Variants in IGFL2 observed in about 807,000 individuals in gnomAD.
The protein encoded by IGFL2 is insulin growth factor-like family member 2.
A neutral mutation model predicts 13.9 loss-of-function variants in IGFL2; 7 were observed. The observed-to-expected ratio is 0.51, with a 90% CI of 0.29 to 0.95. The LOEUF (loss-of-function observed/expected upper bound fraction) is 0.95. Among genes scored for constraint, IGFL2 ranks in the 40% least tolerant of loss-of-function variants. IGFL2 has a pLI of 0.08. For synonymous variants in IGFL2, 55 were observed against 55.8 expected (o/e 0.99, Z 0.07); for missense variants, 138 against 147.8 (o/e 0.93, Z 0.34).
At chr19:46,124,276 C>G in the IGFL2 span, 3 of 1,610,746 alleles carry the variant, frequency 1.9e-6, no homozygotes, top group East Asian at 4.5e-5. Flanking sequence ...ACCTGTAGTT[C>G]CTTTTGAACA....
the IGFL2 span, among the ~76,000 whole-genome samples, chr19:46,174,821 G>A: frequency 0.043 from 6,527 of 152,238 alleles, 177 homozygotes; most frequent in Non-Finnish European, 0.065. Context: ...AATGTGGCTC[G>A]GTAATTGCTC....
the IGFL2 span, chr19:46,124,489 G>A: frequency 8.7e-7 from 1 of 1,146,632 alleles, no homozygotes; most frequent in Non-Finnish European, 1.3e-6. Flanking sequence ...AGCACGCTCA[G>A]TCACCCTTTG....
the IGFL2 span, among the ~76,000 whole-genome samples, chr19:46,100,246 A>C: frequency 6.6e-6 from 1 of 152,122 alleles, no homozygotes; most frequent in Non-Finnish European, 1.5e-5. Flanking sequence ...TTTCTCATCT[A>C]TATGAGTTTG....
the IGFL2 span, among the ~76,000 whole-genome samples, chr19:46,116,154 A>C: frequency 6.6e-6 from 1 of 152,138 alleles, no homozygotes; most frequent in Non-Finnish European, 1.5e-5. Context: ...ATATGTATAC[A>C]TGTGCCATGT....
At chr19:46,124,293 G>T in the IGFL2 span, 9 of 1,610,840 alleles carry the variant, frequency 5.6e-6, no homozygotes, top group Non-Finnish European at 7.6e-6. Flanking sequence ...AACACTGGAG[G>T]AGGAAGACTG....
the IGFL2 span, among the ~76,000 whole-genome samples, chr19:46,130,324 A>G: frequency 2.6e-5 from 4 of 152,190 alleles, no homozygotes; most frequent in Non-Finnish European, 5.9e-5. Flanking sequence ...ACTACAGGGT[A>G]TGATCTCCTG....
chr19:46,145,400 G>A (rs118109937), upstream of IGFL2, among the ~76,000 whole-genome samples: 2,276 of 151,528 alleles, frequency 0.015, 38 homozygotes, highest in South Asian at 0.028. Context: ...GCCCTCCCTC[G>A]TCCAGTCCAA....
the IGFL2 span, among the ~76,000 whole-genome samples, chr19:46,200,506 T>TTTCTTTTCTTTTCTTTTCTTTTCTC: frequency 3.4e-5 from 5 of 147,466 alleles, no homozygotes; most frequent in East Asian, 4.0e-4. Flanking sequence ...TTTCTTTTCT[T>TTTCTTTTCTTTTCTTTTCTTTTCTC]TTCTCTTTTC....
At chr19:46,104,691 G>A in the IGFL2 span, among the ~76,000 whole-genome samples, 3 of 152,142 alleles carry the variant, frequency 2.0e-5, no homozygotes, top group African/African-American at 7.2e-5. Context: ...GTAGGGAAGG[G>A]AGCGGGCCTG....
the IGFL2 span, among the ~76,000 whole-genome samples, chr19:46,102,479 T>G: frequency 6.6e-6 from 1 of 152,184 alleles, no homozygotes; most frequent in South Asian, 2.1e-4. Flanking sequence ...ACCTTCTTAA[T>G]GGTGGGGAGG....
chr19:46,146,933 C>G (rs1217514317), upstream of IGFL2, among the ~76,000 whole-genome samples: 1 of 152,182 alleles, frequency 6.6e-6, no homozygotes, highest in Non-Finnish European at 1.5e-5. Context: ...ATGGAAAACA[C>G]AGGAGCGCAT....
chr19:46,184,537 TGTTA>T, the IGFL2 span, among the ~76,000 whole-genome samples: 1 of 152,208 alleles, frequency 6.6e-6, no homozygotes, highest in Admixed American at 6.5e-5. Flanking sequence ...TCTGTTCTTC[TGTTA>T]GTTTGCTGAG....
chr19:46,197,939 G>T, the IGFL2 span, among the ~76,000 whole-genome samples: 1 of 151,504 alleles, frequency 6.6e-6, no homozygotes, highest in Non-Finnish European at 1.5e-5. Flanking sequence ...TGACCTGCCT[G>T]CATTGGCCTC....
the IGFL2 span, among the ~76,000 whole-genome samples, chr19:46,179,798 C>T: frequency 6.6e-6 from 1 of 152,072 alleles, no homozygotes; most frequent in Admixed American, 6.5e-5. Flanking sequence ...TGCCTGTAAT[C>T]CCACCTACTC....
At chr19:46,132,302 AT>A in the IGFL2 span, among the ~76,000 whole-genome samples, 7 of 152,172 alleles carry the variant, frequency 4.6e-5, no homozygotes, top group African/African-American at 1.7e-4. Flanking sequence ...ATCCCTTTCC[AT>A]TTCATGGAAC....
downstream of IGFL2, among the ~76,000 whole-genome samples, chr19:46,163,213 C>G (rs910397564): frequency 3.3e-5 from 5 of 152,202 alleles, no homozygotes; most frequent in Admixed American, 2.6e-4. Context: ...TCCTCTCCCT[C>G]TTGAGTGCTG....
upstream of IGFL2, chr19:46,148,001 C>T (rs751571875): frequency 7.6e-6 from 3 of 395,020 alleles, no homozygotes; most frequent in Non-Finnish European, 1.3e-5. Context: ...GACACTCACT[C>T]ACGGCTTTGA....
the IGFL2 span, among the ~76,000 whole-genome samples, chr19:46,095,336 A>G: frequency 2.4e-4 from 37 of 152,194 alleles, no homozygotes; most frequent in East Asian, 6.6e-3. Context: ...TCTTTTGAGA[A>G]GTGTCTGTTT....
At chr19:46,114,799 A>T in the IGFL2 span, among the ~76,000 whole-genome samples, 1 of 152,304 alleles carries the variant, frequency 6.6e-6, no homozygotes, top group African/African-American at 2.4e-5. Flanking sequence ...ACTTTTCTTT[A>T]TAAATTACCC....
Sources: gnomAD v4.1 joint callset for allele counts (sites outside exome capture counted in the v4.1 genomes callset) on GRCh38, gnomAD v4.1.1 for gene constraint, MANE v1.5 for transcripts, NCBI Gene and HGNC (gene_info 2026-07-23, HGNC 2026-07-21) for gene names.